The following ZSCAN4 variants were observed in gnomAD, a reference collection of about 807,000 sequenced individuals.
ZSCAN4 encodes the protein zinc finger and SCAN domain containing 4, also known as zinc finger and SCAN domain-containing protein 4.
A neutral mutation model predicts 18.3 loss-of-function variants in ZSCAN4; 18 were observed. The ratio of observed to expected loss-of-function variants is 0.98; its 90% CI spans 0.68 to 1.46. ZSCAN4 has a LOEUF of 1.46. ZSCAN4 is among the 40% of genes most tolerant of loss of function. The pLI, the probability that ZSCAN4 is intolerant of heterozygous loss-of-function variation, is 0.00. For missense variants in ZSCAN4, 498 were observed against 511.4 expected (o/e 0.97, Z 0.25); for synonymous variants, 193 against 180.3 (o/e 1.07, Z -0.57).
In ZSCAN4 at chr19:57,676,238, TG is replaced by T; in HGVS notation, c.94del (p.Ala32LeufsTer56). On this transcript the variant is annotated frameshift_variant, in exon 3 of 5. Transcript: ENST00000318203. LOFTEE classifies it high-confidence loss of function. ...CAGCGTTTCAACAAAGCCAAGGACC[TG>T]CTGTTCAGAGAGAAGAAGGGATTTC... 6.2e-7 allele frequency: 1 copy of T among 1,614,162 alleles called. No individual in the cohort carries two copies. Among genetic ancestry groups the T allele is most frequent in the South Asian group, 1.1e-5 (1 of 91,076 alleles).
the ZSCAN4 span, among the ~76,000 whole-genome samples, chr19:57,657,833 C>A: frequency 6.6e-6 from 1 of 152,116 alleles, no homozygotes; most frequent in Non-Finnish European, 1.5e-5. Context: ...TAATACAATG[C>A]AAATGCTGTT....
the ZSCAN4 span, among the ~76,000 whole-genome samples, chr19:57,662,569 T>G: frequency 6.6e-6 from 1 of 152,168 alleles, no homozygotes; most frequent in South Asian, 2.1e-4. Flanking sequence ...GTTTGTCTGT[T>G]TTTGTTTTTT....
At chr19:57,664,172 G>GGAGGAAGGGAGGAAGGGAGGACGA (rs1405479773), upstream of ZSCAN4, 1 of 151,626 alleles carries the variant, frequency 6.6e-6, no homozygotes, top group Admixed American at 6.6e-5. Flanking sequence ...AGGAAGGAAG[G>GGAGGAAGGGAGGAAGGGAGGACGA]GAGGAAGGGA....
exon 5 of ZSCAN4, chr19:57,678,980 T>G: frequency 7.0e-7 from 1 of 1,420,946 alleles, no homozygotes; most frequent in South Asian, 1.5e-5. Flanking sequence ...ACTTAGGATA[T>G]AAGATATAAT....
At chr19:57,663,543 AAAAAT>A in the ZSCAN4 span, among the ~76,000 whole-genome samples, 1 of 147,328 alleles carries the variant, frequency 6.8e-6, no homozygotes, top group East Asian at 2.0e-4. Flanking sequence ...AAAAAAAAAA[AAAAAT>A]TAGCTGGGCG....
exon 5 of ZSCAN4, chr19:57,678,570 T>A (rs765281850): frequency 6.2e-7 from 1 of 1,614,086 alleles, no homozygotes; most frequent in Non-Finnish European, 8.5e-7. Context: ...GGTCTTTAAG[T>A]ATCTCTGTCA....
chr19:57,666,529 C>G (rs1983852373), upstream of ZSCAN4, among the ~76,000 whole-genome samples: 1 of 149,304 alleles, frequency 6.7e-6, no homozygotes, highest in Non-Finnish European at 1.5e-5. Flanking sequence ...GGTGCAACAA[C>G]CAAAAATCAA....
the ZSCAN4 span, among the ~76,000 whole-genome samples, chr19:57,656,611 C>T: frequency 1.3e-5 from 2 of 152,240 alleles, no homozygotes; most frequent in Admixed American, 6.5e-5. Flanking sequence ...TTTCCCAGAA[C>T]AGGACTGGCA....
the ZSCAN4 span, among the ~76,000 whole-genome samples, chr19:57,657,638 C>T: frequency 2.0e-5 from 3 of 152,108 alleles, no homozygotes; most frequent in East Asian, 1.9e-4. Flanking sequence ...GAGATGGAAA[C>T]GTGTCCATAG....
chr19:57,677,962 C>A, exon 4 of ZSCAN4: 1 of 1,592,442 alleles, frequency 6.3e-7, no homozygotes, highest in South Asian at 1.2e-5. Context: ...TGAGGATATG[C>A]CCTTAAGAGA....
intron 2 of ZSCAN4, among the ~76,000 whole-genome samples, chr19:57,671,917 C>T (rs1984035169): frequency 6.6e-6 from 1 of 152,152 alleles, no homozygotes; most frequent in South Asian, 2.1e-4. Flanking sequence ...ACGTATTACT[C>T]CTACCATTTT....
intron 2 of ZSCAN4, among the ~76,000 whole-genome samples, chr19:57,675,151 T>C (rs1984142864): frequency 7.0e-6 from 1 of 143,390 alleles, no homozygotes; most frequent in Non-Finnish European, 1.5e-5. Context: ...CTTTTTTTTT[T>C]TTTTTTTTTT....
intron 3 of ZSCAN4, among the ~76,000 whole-genome samples, chr19:57,677,499 C>T (rs1283613943): frequency 6.6e-6 from 1 of 151,886 alleles, no homozygotes. Flanking sequence ...GTCTAGTCTT[C>T]CTAAGTGCAG....
chr19:57,678,111 T>A (rs1984245417), intron 4 of ZSCAN4, 32 bp downstream of exon 4: 1 of 1,588,914 alleles, frequency 6.3e-7, no homozygotes, highest in African/African-American at 1.3e-5. Flanking sequence ...AACTGAGGAG[T>A]GTTCTATGTG....
chr19:57,668,027 G>T (rs1490319972), upstream of ZSCAN4, among the ~76,000 whole-genome samples: 1 of 151,990 alleles, frequency 6.6e-6, no homozygotes, highest in South Asian at 2.1e-4. Flanking sequence ...TCAGGCTCCC[G>T]AGTACTTGGG....
chr19:57,676,628 A>G, intron 3 of ZSCAN4, 87 bp downstream of exon 3: 2 of 1,455,662 alleles, frequency 1.4e-6, no homozygotes, highest in Non-Finnish European at 1.8e-6. Context: ...TGGAAGTTAG[A>G]GAAGCTATTG....
At chr19:57,677,284 T>C (rs1984215515) in intron 3 of ZSCAN4, among the ~76,000 whole-genome samples, 1 of 152,242 alleles carries the variant, frequency 6.6e-6, no homozygotes, top group Admixed American at 6.5e-5. Flanking sequence ...TTTTCAGATA[T>C]GTGCAGGTGG....
intron 3 of ZSCAN4, among the ~76,000 whole-genome samples, chr19:57,677,419 A>AT (rs71188043): frequency 0.026 from 3,817 of 149,638 alleles, 61 homozygotes; most frequent in Non-Finnish European, 0.033. Context: ...TTAGTGGCAC[A>AT]TTTTTTTTTT....
intron 2 of ZSCAN4, among the ~76,000 whole-genome samples, chr19:57,675,208 C>T (rs1182513812): frequency 2.2e-5 from 3 of 136,492 alleles, no homozygotes; most frequent in Admixed American, 8.5e-5. Context: ...AGTGCAGTGG[C>T]GCAATCTTGA....
Sources: allele counts gnomAD v4.1 joint callset (sites outside exome capture counted in the v4.1 genomes callset), GRCh38; gene constraint gnomAD v4.1.1; transcripts MANE v1.5; gene names NCBI Gene and HGNC (gene_info 2026-07-23, HGNC 2026-07-21).